The following TNFRSF10A variants were observed in gnomAD, a reference collection of about 807,000 sequenced individuals.
TNFRSF10A encodes tumor necrosis factor receptor superfamily member 10A.
In TNFRSF10A, 44 loss-of-function variants were observed where a neutral mutation model predicts 42.8. That is an observed-to-expected ratio of 1.03 (90% CI 0.81 to 1.32). The LOEUF (loss-of-function observed/expected upper bound fraction) is 1.32, where lower values mean the gene tolerates loss of function less well. Among genes scored for constraint, TNFRSF10A ranks in the 40% most tolerant of loss-of-function variants. The probability of loss-of-function intolerance (pLI) is 0.00; values close to 1 mark genes in which losing one functional copy is unlikely to be tolerated. For synonymous variants in TNFRSF10A, 259 were observed against 234.2 expected (o/e 1.11, Z -0.97); for missense variants, 680 against 602.0 (o/e 1.13, Z -1.36).
chr8:23,222,073 T>G (rs902661788), intron 1 of TNFRSF10A, among the ~76,000 whole-genome samples: 51 of 152,202 alleles, frequency 3.4e-4, no homozygotes, highest in African/African-American at 1.2e-3. Flanking sequence ...GAGACGGGGT[T>G]TCACCGTGTT....
At chr8:23,212,624 G>C (rs1361460124) in intron 1 of TNFRSF10A, among the ~76,000 whole-genome samples, 7 of 152,194 alleles carry the variant, frequency 4.6e-5, no homozygotes. Flanking sequence ...CACTTGGTTT[G>C]TGTTCACATT....
At chr8:23,212,279 A>C in intron 1 of TNFRSF10A, 67 bp from the exon 2 acceptor site, 2 of 1,366,178 alleles carry the variant, frequency 1.5e-6, no homozygotes, top group Non-Finnish European at 2.1e-6. Context: ...GATCAATCTC[A>C]CATTCCATTC....
At chr8:23,215,368 C>T (rs542482004) in intron 1 of TNFRSF10A, among the ~76,000 whole-genome samples, 3 of 151,934 alleles carry the variant, frequency 2.0e-5, no homozygotes, top group Admixed American at 6.6e-5. Context: ...ATATGCTGGG[C>T]GTGGTGGTGG....
intron 7 of TNFRSF10A, 47 bp downstream of exon 7, chr8:23,199,839 A>T: frequency 6.2e-7 from 1 of 1,614,004 alleles, no homozygotes; most frequent in Non-Finnish European, 8.5e-7. Flanking sequence ...GGCAAGAAGC[A>T]GTTCCTGAGC....
chr8:23,200,662 G>T (rs765992019), intron 5 of TNFRSF10A, 25 bp downstream of exon 5: 16 of 1,613,992 alleles, frequency 9.9e-6, no homozygotes, highest in Admixed American at 1.7e-5. Flanking sequence ...CTCTGCAGCT[G>T]GGGCTTCCCC....
intron 1 of TNFRSF10A, among the ~76,000 whole-genome samples, chr8:23,224,212 A>G: frequency 6.7e-6 from 1 of 150,144 alleles, no homozygotes; most frequent in East Asian, 2.0e-4. Flanking sequence ...AGGCAGGAGA[A>G]TCGCTTGAAC....
intron 1 of TNFRSF10A, among the ~76,000 whole-genome samples, chr8:23,214,073 A>G (rs1003570020): frequency 3.9e-5 from 6 of 152,012 alleles, no homozygotes; most frequent in Non-Finnish European, 4.4e-5. Flanking sequence ...GCCTCCCACA[A>G]TCTGCCCACC....
chr8:23,222,955 T>C (rs576791896), intron 1 of TNFRSF10A, among the ~76,000 whole-genome samples: 1 of 152,176 alleles, frequency 6.6e-6, no homozygotes, highest in Admixed American at 6.5e-5. Flanking sequence ...CAGTGGAAGT[T>C]TCCTGAGGCC....
At chr8:23,221,217 C>T (rs997390841) in intron 1 of TNFRSF10A, among the ~76,000 whole-genome samples, 1 of 152,110 alleles carries the variant, frequency 6.6e-6, no homozygotes, top group Admixed American at 6.5e-5. Context: ...TTTGTCCTCC[C>T]ACACGACAGC....
At chr8:23,218,402 T>C (rs1472335720) in intron 1 of TNFRSF10A, among the ~76,000 whole-genome samples, 2 of 152,140 alleles carry the variant, frequency 1.3e-5, no homozygotes, top group Admixed American at 6.5e-5. Context: ...AAATGCCTTA[T>C]TGATCTTAAA....
At chr8:23,195,624 G>T (rs1452225723) in intron 9 of TNFRSF10A, among the ~76,000 whole-genome samples, 1 of 152,154 alleles carries the variant, frequency 6.6e-6, no homozygotes, top group Non-Finnish European at 1.5e-5. Context: ...GAGCCTATGT[G>T]GACAGTGATT....
At chr8:23,206,534 G>C (rs1471304538) in intron 2 of TNFRSF10A, among the ~76,000 whole-genome samples, 1 of 152,148 alleles carries the variant, frequency 6.6e-6, no homozygotes, top group Non-Finnish European at 1.5e-5. Context: ...TGTAATCTAA[G>C]AGCAATAGGC....
rs747276115 is a variant in TNFRSF10A at position 23,197,142 on chromosome 8, G to A, written c.1077C>T (p.Asp359=). The A allele has an allele frequency of 1.9e-6, 3 of 1,614,126 alleles. No individual in the cohort carries two copies. Among genetic ancestry groups the A allele is most frequent in the Admixed American group, 3.3e-5 (2 of 60,018 alleles). ...GAGCAAAACACTTACTCTCAGTGGG[G>A]TCAGCACCATTTGCTGGAACCAGCA... ...RRLLVPANGA[D]PTETLMLFFD... The change falls in exon 9 of 10, where the codon GAC becomes GAT. Residue 359 remains aspartate, a synonymous_variant. Transcript: ENST00000221132.
intron 9 of TNFRSF10A, 103 bp from the exon 10 acceptor site, chr8:23,192,116 G>A: frequency 6.7e-7 from 1 of 1,497,900 alleles, no homozygotes; most frequent in Non-Finnish European, 8.9e-7. Flanking sequence ...AGAACCTGGA[G>A]AGCCCCCTGC....
chr8:23,196,163 C>T (rs987682390), intron 9 of TNFRSF10A, among the ~76,000 whole-genome samples: 1 of 151,876 alleles, frequency 6.6e-6, no homozygotes, highest in Admixed American at 6.6e-5. Flanking sequence ...GCTTCCTTAC[C>T]CCTCCCTAGT....
intron 1 of TNFRSF10A, among the ~76,000 whole-genome samples, chr8:23,214,582 G>A (rs572586503): frequency 6.6e-6 from 1 of 151,390 alleles, no homozygotes; most frequent in African/African-American, 2.4e-5. Flanking sequence ...TCCTTTTATT[G>A]TGATTGGAAA....
intron 6 of TNFRSF10A, 90 bp from the exon 7 acceptor site, chr8:23,200,007 G>T: frequency 1.3e-6 from 2 of 1,527,102 alleles, no homozygotes; most frequent in Admixed American, 3.4e-5. Context: ...GGTGGGCTGG[G>T]GGCTGGGACA....
chr8:23,195,965 T>C (rs145643137), intron 9 of TNFRSF10A, among the ~76,000 whole-genome samples: 1 of 152,148 alleles, frequency 6.6e-6, no homozygotes, highest in South Asian at 2.1e-4. Context: ...AAAAGGTTTT[T>C]TTGTTGTTGT....
intron 9 of TNFRSF10A, among the ~76,000 whole-genome samples, chr8:23,192,951 G>C (rs1425440819): frequency 6.6e-6 from 1 of 152,210 alleles, no homozygotes; most frequent in Non-Finnish European, 1.5e-5. Context: ...ACCATGATGG[G>C]ATGTGGGACC....
Sources: gnomAD v4.1 joint callset for allele counts (sites outside exome capture counted in the v4.1 genomes callset) on GRCh38, gnomAD v4.1.1 for gene constraint, MANE v1.5 for transcripts, NCBI Gene and HGNC (gene_info 2026-07-23, HGNC 2026-07-21) for gene names.